DACH1: variants seen among roughly 807,000 people sequenced by gnomAD.
The protein encoded by DACH1 is dachshund homolog 1.
DACH1 carries 12 observed loss-of-function variants against 54.2 expected under a neutral mutation model. The ratio of observed to expected loss-of-function variants is 0.22; its 90% CI spans 0.14 to 0.36. DACH1 has a LOEUF of 0.36. DACH1 is among the 10% of genes least tolerant of loss of function. DACH1 has a pLI of 1.00. For synonymous variants in DACH1, 386 were observed against 366.2 expected, an observed-to-expected ratio of 1.05 and a Z score of -0.62; for missense variants, 805 against 929.8, an observed-to-expected ratio of 0.87 and a Z score of 1.75.
Position 71,535,508 on chromosome 13 carries a change from T to G in DACH1, c.1570+21516A>C, listed in dbSNP as rs1368040674. 2.0e-5 allele frequency among the ~76,000 whole-genome samples: 3 copies of G among 151,958 alleles called. No homozygotes were observed. The East Asian group carries it at 5.8e-4, about 29-fold the overall frequency. On this transcript the variant is annotated intron_variant, in intron 6 of 10. Transcript: ENST00000613252. The stretch of plus-strand genomic sequence containing the variant: ...TAGCAAATCTCATATAAAAATAACA[T>G]GGTAAATATTCCTTAATTAACAAAT...
At chr13:71,749,885 G>A (rs371551861) in intron 1 of DACH1, among the ~76,000 whole-genome samples, 7 of 152,154 alleles carry the variant, frequency 4.6e-5, no homozygotes, top group South Asian at 2.1e-4. Flanking sequence ...GATAAGCGGA[G>A]AGCTGAGGAT....
intron 1 of DACH1, among the ~76,000 whole-genome samples, chr13:71,847,614 C>A (rs1873367453): frequency 6.6e-6 from 1 of 152,120 alleles, no homozygotes; most frequent in African/African-American, 2.4e-5. Flanking sequence ...AAATATTTCA[C>A]AATTTTTAAT....
chr13:71,597,646 G>T (rs1385350329), intron 3 of DACH1, among the ~76,000 whole-genome samples: 1 of 152,126 alleles, frequency 6.6e-6, no homozygotes, highest in Admixed American at 6.6e-5. Context: ...TGGCCTTGGG[G>T]AATTGATTTG....
intron 6 of DACH1, among the ~76,000 whole-genome samples, chr13:71,496,158 A>T (rs1051377632): frequency 1.1e-4 from 17 of 150,902 alleles, no homozygotes; most frequent in African/African-American, 3.7e-4. Flanking sequence ...GATTGGCTTG[A>T]ACCTAGGGGG....
At chr13:71,837,281 G>C (rs963526418) in intron 1 of DACH1, among the ~76,000 whole-genome samples, 1 of 151,848 alleles carries the variant, frequency 6.6e-6, no homozygotes, top group Non-Finnish European at 1.5e-5. Flanking sequence ...AAAGCTTTTG[G>C]GTAGACCTAC....
At chr13:71,483,720 G>C (rs1878254778) in intron 7 of DACH1, among the ~76,000 whole-genome samples, 1 of 151,702 alleles carries the variant, frequency 6.6e-6, no homozygotes, top group African/African-American at 2.4e-5. Context: ...ACAACTTTTT[G>C]GTCCGCAAGC....
intron 1 of DACH1, among the ~76,000 whole-genome samples, chr13:71,733,158 G>C (rs1883826336): frequency 6.6e-6 from 1 of 152,022 alleles, no homozygotes. Flanking sequence ...ACTATTTGGG[G>C]GTTTTTTGGT....
At chr13:71,520,308 A>C (rs900178742) in intron 6 of DACH1, among the ~76,000 whole-genome samples, 14 of 151,754 alleles carry the variant, frequency 9.2e-5, no homozygotes, top group African/African-American at 4.8e-5. Context: ...ATCAAACCTC[A>C]TGGAAATGAA....
At chr13:71,691,419 T>G (rs575403071) in intron 1 of DACH1, among the ~76,000 whole-genome samples, 12 of 152,384 alleles carry the variant, frequency 7.9e-5, no homozygotes, top group Admixed American at 2.6e-4. Flanking sequence ...ATAAGTACTA[T>G]TACAATCCTT....
In DACH1 at chr13:71,866,630, G is replaced by A; in HGVS notation, c.140C>T (p.Pro47Leu). The A allele has an allele frequency of 1.4e-6, 2 of 1,397,218 alleles. No individual in the cohort carries two copies. Among genetic ancestry groups the A allele is most frequent in the Non-Finnish European group, 1.9e-6 (2 of 1,069,000 alleles). The allele number at this position is 1,397,218 out of a possible 1,614,324, so 86.6% of individuals were successfully genotyped here. Residue 47 changes from proline to leucine, a missense_variant, in exon 1 of 11, where the codon CCG becomes CTG. Transcript: ENST00000613252. ...TSSPAPSIGP[P>L]ASSGPTLFRP... ...GAACAGAGTTGGCCCAGAGGACGCC[G>A]GGGGTCCGATGGAAGGAGCCGGAGA...
At chr13:71,812,180 C>G (rs1031544355) in intron 1 of DACH1, among the ~76,000 whole-genome samples, 1 of 152,112 alleles carries the variant, frequency 6.6e-6, no homozygotes, top group Non-Finnish European at 1.5e-5. Context: ...GAGCATAAAG[C>G]TCTAGTTTTG....
At position 71,747,512 on chromosome 13, in the gene DACH1, C is replaced by T. The variant is rs1000770922; in HGVS notation, c.849-65602G>A. On this transcript the variant is annotated intron_variant, in intron 1 of 10. Coordinates refer to ENST00000613252, the MANE Select transcript of DACH1 (RefSeq NM_080759.6). ...AGGAAAATTGTTTGAACCTAGGAGG[C>T]GGAGGTTGCAGTGAGCAGAGATCGC... Among the ~76,000 whole-genome samples, 5 of 152,014 alleles carry T rather than the reference C, an allele frequency of 3.3e-5. No homozygotes were observed. The East Asian group carries it at 5.8e-4, about 18-fold the overall frequency.
At position 71,683,989 on chromosome 13, in the gene DACH1, G is replaced by A. The variant is rs1247711246; in HGVS notation, c.849-2079C>T. Among the ~76,000 whole-genome samples, 3 of 152,176 alleles carry A rather than the reference G, an allele frequency of 2.0e-5. No homozygotes were observed. The East Asian group carries it at 5.8e-4, about 29-fold the overall frequency. Reference sequence around the variant, plus strand: ...CTATTTTGCTTTCCCCTGGTTCAGCGAAATGGAATCCAACCGACTAAGCCA... The same window carrying A: ...CTATTTTGCTTTCCCCTGGTTCAGCAAAATGGAATCCAACCGACTAAGCCA... On this transcript the variant is annotated intron_variant, in intron 1 of 10. Transcript: ENST00000613252.
chr13:71,837,241 T>A (rs1185074155), intron 1 of DACH1, among the ~76,000 whole-genome samples: 1 of 152,144 alleles, frequency 6.6e-6, no homozygotes, highest in Non-Finnish European at 1.5e-5. Context: ...TTTACACGTA[T>A]GATAATATAT....
At chr13:71,461,680 C>T (rs1166393899) in intron 10 of DACH1, among the ~76,000 whole-genome samples, 1 of 151,886 alleles carries the variant, frequency 6.6e-6, no homozygotes, top group African/African-American at 2.4e-5. Flanking sequence ...AGTGAAATTT[C>T]TCTCCAAATC....
chr13:71,645,261 T>A (rs1878188731), intron 2 of DACH1, among the ~76,000 whole-genome samples: 3 of 152,156 alleles, frequency 2.0e-5, no homozygotes, highest in South Asian at 4.1e-4. Flanking sequence ...GGCATATAAC[T>A]GGGGAGCTTA....
chr13:71,766,736 A>C (rs2138023725), intron 1 of DACH1, among the ~76,000 whole-genome samples: 1 of 152,278 alleles, frequency 6.6e-6, no homozygotes, highest in South Asian at 2.1e-4. Context: ...AAGTTCCTTA[A>C]ATTTTGCAGG....
At chr13:71,487,701 A>T (rs1878652409) in intron 7 of DACH1, among the ~76,000 whole-genome samples, 1 of 152,218 alleles carries the variant, frequency 6.6e-6, no homozygotes, top group African/African-American at 2.4e-5. Flanking sequence ...ATGACAATCC[A>T]TGCAAATAGC....
chr13:71,701,587 G>C (rs1882138760), intron 1 of DACH1, among the ~76,000 whole-genome samples: 1 of 152,134 alleles, frequency 6.6e-6, no homozygotes, highest in South Asian at 2.1e-4. Flanking sequence ...AAGGGGGATT[G>C]ATAGGAGGTA....
Sources: gnomAD v4.1 joint callset for allele counts (sites outside exome capture counted in the v4.1 genomes callset) on GRCh38, gnomAD v4.1.1 for gene constraint, MANE v1.5 for transcripts, NCBI Gene and HGNC (gene_info 2026-07-23, HGNC 2026-07-21) for gene names.